LDB2: variants seen among roughly 807,000 people sequenced by gnomAD.
LDB2 encodes LIM domain binding 2, also known as LIM domain-binding protein 2.
Under a neutral mutation model 44.3 loss-of-function variants are expected in LDB2, and 12 were observed. That is an observed-to-expected ratio of 0.27 (90% CI 0.17 to 0.44). The LOEUF (loss-of-function observed/expected upper bound fraction) is 0.44, where lower values mean the gene tolerates loss of function less well. Among genes scored for constraint, LDB2 ranks in the 20% least tolerant of loss-of-function variants. The pLI is 1.00. For missense variants in LDB2, 344 were observed against 473.5 expected (o/e 0.73, Z 2.54); for synonymous variants, 164 against 174.8 (o/e 0.94, Z 0.49).
At position 16,502,730 on chromosome 4, in the gene LDB2, C is replaced by T. The variant is rs150164147; in HGVS notation, c.1035G>A (p.Ala345=). ...DDEEDFNNSP[A]LGNNSPWNSK... The stretch of plus-strand genomic sequence containing the variant: ...TGTTCCACGGGCTGTTGTTCCCCAG[C>T]GCGGGTGAATTGTTGAAGTCCTCCT... Residue 345 remains alanine (A), a synonymous_variant, in exon 8 of 8, where the codon GCG becomes GCA. Coordinates refer to ENST00000304523, the MANE Select transcript of LDB2 (RefSeq NM_001290.5). 230 of 1,613,870 alleles carry T rather than the reference C, an allele frequency of 1.4e-4. 1 individual carries two copies. The Middle Eastern group carries it at 2.0e-3, about 14-fold the overall frequency.
At chr4:16,769,318 T>C (rs904604752) in intron 1 of LDB2, among the ~76,000 whole-genome samples, 1 of 150,662 alleles carries the variant, frequency 6.6e-6, no homozygotes, top group South Asian at 2.1e-4. Flanking sequence ...TTTTTTGAGA[T>C]GGAGTTTCCC....
chr4:16,735,847 T>C, intron 2 of LDB2, among the ~76,000 whole-genome samples: 1 of 152,134 alleles, frequency 6.6e-6, no homozygotes, highest in East Asian at 1.9e-4. Flanking sequence ...AAATAAAGAC[T>C]GAGAAACTGT....
At chr4:16,682,664 C>T (rs77139750) in intron 2 of LDB2, among the ~76,000 whole-genome samples, 1,681 of 152,280 alleles carry the variant, frequency 0.011, 37 homozygotes, top group African/African-American at 0.038. Flanking sequence ...CTCCCTTCTT[C>T]GTTCCCCAGA....
At chr4:16,881,194 C>G (rs560379142) in intron 1 of LDB2, among the ~76,000 whole-genome samples, 1 of 152,308 alleles carries the variant, frequency 6.6e-6, no homozygotes, top group South Asian at 2.1e-4. Context: ...GGAGAGGCAG[C>G]GGAGCTGACA....
At chr4:16,506,550 T>G (rs1464439363) in intron 7 of LDB2, 1 of 152,558 alleles carries the variant, frequency 6.6e-6, no homozygotes, top group African/African-American at 2.4e-5. Flanking sequence ...GACTAGACCA[T>G]ATGTGTCAAA....
At chr4:16,794,979 A>C (rs747444428) in intron 1 of LDB2, among the ~76,000 whole-genome samples, 1 of 152,242 alleles carries the variant, frequency 6.6e-6, no homozygotes, top group Non-Finnish European at 1.5e-5. Flanking sequence ...GCGAAAATCC[A>C]GGCAGGAAAG....
intron 1 of LDB2, among the ~76,000 whole-genome samples, chr4:16,827,982 G>C (rs368937835): frequency 1.3e-5 from 2 of 152,160 alleles, no homozygotes; most frequent in Admixed American, 1.3e-4. Flanking sequence ...TGTACTTCCT[G>C]TCTCTTTCTG....
chr4:16,798,428 C>G (rs1561266484), intron 1 of LDB2, among the ~76,000 whole-genome samples: 1 of 152,050 alleles, frequency 6.6e-6, no homozygotes. Context: ...CCCTGAGAAT[C>G]CAGGAGAGAG....
intron 5 of LDB2, 145 bp from the exon 6 acceptor site, chr4:16,512,249 A>G: frequency 1.3e-6 from 1 of 760,102 alleles, no homozygotes; most frequent in Middle Eastern, 4.0e-4. Flanking sequence ...ATGTGAGGAA[A>G]AATAAATATT....
chr4:16,508,006 C>T (rs1720216001), intron 7 of LDB2, among the ~76,000 whole-genome samples: 2 of 152,158 alleles, frequency 1.3e-5, no homozygotes, highest in Non-Finnish European at 2.9e-5. Context: ...CTGATCCTCC[C>T]CCTTAGCTAA....
At chr4:16,612,041 G>A (rs1725792017) in intron 2 of LDB2, among the ~76,000 whole-genome samples, 1 of 152,138 alleles carries the variant, frequency 6.6e-6, no homozygotes. Context: ...AATCAAATTT[G>A]AATTCAGGAT....
chr4:16,602,792 A>G (rs1276442050), intron 2 of LDB2, among the ~76,000 whole-genome samples: 2 of 152,086 alleles, frequency 1.3e-5, no homozygotes, highest in African/African-American at 4.8e-5. Flanking sequence ...GATGACCAAG[A>G]CAGACCCCAC....
chr4:16,641,285 A>G (rs28404274), intron 2 of LDB2, among the ~76,000 whole-genome samples: 80,736 of 151,646 alleles, frequency 0.53, 23,431 homozygotes, highest in Middle Eastern at 0.73. Context: ...CTACAAGAGG[A>G]ACAGGAAATG....
chr4:16,840,169 C>T lies in LDB2; in HGVS notation c.132+58185G>A, dbSNP rs184208194. On this transcript the variant is annotated intron_variant, in intron 1 of 7. Coordinates refer to ENST00000304523, the MANE Select transcript of LDB2 (RefSeq NM_001290.5). The stretch of plus-strand genomic sequence containing the variant: ...CTAAGAAGTTGAGTAACTTGCTCAA[C>T]TATCAACTCTGATAGATTTATCAGA... 4.1e-3 allele frequency among the ~76,000 whole-genome samples: 617 copies of T among 152,272 alleles called. 6 individuals carry two copies. Among genetic ancestry groups the T allele is most frequent in the Non-Finnish European group, 4.4e-3 (297 of 68,030 alleles).
At chr4:16,616,405 G>A (rs1285710110) in intron 2 of LDB2, among the ~76,000 whole-genome samples, 1 of 152,096 alleles carries the variant, frequency 6.6e-6, no homozygotes, top group Non-Finnish European at 1.5e-5. Flanking sequence ...AAAAGAGAAA[G>A]GGAGAGATGG....
rs1246484385 is a variant in LDB2, at chr4:16,786,566, T to A, written c.133-27306A>T. Among the ~76,000 whole-genome samples, 3 of 152,250 alleles carry A rather than the reference T, an allele frequency of 2.0e-5. No individual in the cohort carries two copies. In the East Asian group the frequency reaches 5.8e-4, roughly 29 times the overall value. On this transcript the variant is annotated intron_variant, in intron 1 of 7. Transcript: ENST00000304523. Reference sequence around the variant, plus strand: ...TGCATAGTTTTTCAGTTTTCCTGTATCTGAATGGATACACACACATAAACA... The same window carrying A: ...TGCATAGTTTTTCAGTTTTCCTGTAACTGAATGGATACACACACATAAACA...
At chr4:16,766,115 A>G (rs1769146110) in intron 1 of LDB2, among the ~76,000 whole-genome samples, 1 of 152,182 alleles carries the variant, frequency 6.6e-6, no homozygotes. Flanking sequence ...TGTTACAAAT[A>G]TAAATAAATG....
intron 1 of LDB2, among the ~76,000 whole-genome samples, chr4:16,870,269 T>C (rs1716096385): frequency 6.6e-6 from 1 of 152,168 alleles, no homozygotes; most frequent in Admixed American, 6.5e-5. Flanking sequence ...ACTCGCTGCA[T>C]TCATTACACA....
intron 2 of LDB2, among the ~76,000 whole-genome samples, chr4:16,631,072 G>C (rs1357516021): frequency 8.5e-5 from 13 of 152,176 alleles, no homozygotes; most frequent in South Asian, 8.3e-4. Flanking sequence ...CTCAGCTCTG[G>C]ACCAAGTGGA....
Sources: allele counts gnomAD v4.1 joint callset (sites outside exome capture counted in the v4.1 genomes callset), GRCh38; gene constraint gnomAD v4.1.1; transcripts MANE v1.5; gene names NCBI Gene and HGNC (gene_info 2026-07-23, HGNC 2026-07-21).